The following EFCAB13 variants were observed in gnomAD, a reference collection of about 807,000 sequenced individuals.
The protein encoded by EFCAB13 is EF-hand calcium binding domain 13, also known as EF-hand calcium-binding domain-containing protein 13.
Under a neutral mutation model 110.2 loss-of-function variants are expected in EFCAB13, and 91 were observed. The observed-to-expected ratio is 0.83, with a 90% CI of 0.70 to 0.98. The LOEUF is 0.98. EFCAB13 is among the 50% of genes least tolerant of loss of function. The pLI is 0.00. For missense variants in EFCAB13, 968 were observed against 1,119.4 expected (o/e 0.86, Z 1.93); for synonymous variants, 323 against 369.9 (o/e 0.87, Z 1.45).
chr17:47,434,706 A>G (rs1172030211), intron 24 of EFCAB13, among the ~76,000 whole-genome samples: 2 of 152,206 alleles, frequency 1.3e-5, no homozygotes, highest in African/African-American at 4.8e-5. Flanking sequence ...ATGTAGACCA[A>G]TGGGACAGAA....
chr17:47,346,846 T>C (rs2065419855), intron 8 of EFCAB13, among the ~76,000 whole-genome samples: 1 of 152,192 alleles, frequency 6.6e-6, no homozygotes, highest in South Asian at 2.1e-4. Context: ...TTGTTTTCAT[T>C]AGTTGCTGAA....
rs887265408 is a variant in EFCAB13 at position 47,379,349 on chromosome 17, A to G, written c.1582+96A>G. 19 of 923,776 alleles carry G rather than the reference A, an allele frequency of 2.1e-5. No homozygotes were observed. In the African/African-American group the frequency reaches 2.5e-4, roughly 12 times the overall value. 57.2% of individuals were successfully genotyped at this position (923,776 alleles called of 1,614,324 possible). On this transcript the variant is annotated intron_variant, in intron 14 of 24. Coordinates refer to ENST00000331493, the MANE Select transcript of EFCAB13 (RefSeq NM_152347.5). ...GAACTGGGCTTGCTTTTGGATGGAT[A>G]CTTAATAGTCCTGTGACTCTTAGGC...
intron 22 of EFCAB13, among the ~76,000 whole-genome samples, chr17:47,413,869 T>C (rs113846868): frequency 7.2e-5 from 11 of 152,232 alleles, no homozygotes; most frequent in African/African-American, 2.7e-4. Context: ...TTATTTGATA[T>C]CTAAGTTCCT....
At chr17:47,409,321 C>T (rs1157606709) in intron 20 of EFCAB13, 1 of 232,078 alleles carries the variant, frequency 4.3e-6, no homozygotes, top group East Asian at 8.4e-5. Context: ...ACAATTTAGA[C>T]TAATAATTAA....
At chr17:47,341,009 G>A (rs1051748392) in intron 5 of EFCAB13, among the ~76,000 whole-genome samples, 3 of 151,718 alleles carry the variant, frequency 2.0e-5, no homozygotes, top group African/African-American at 7.3e-5. Context: ...ATGGAATAAC[G>A]TCACCACCTA....
chr17:47,346,436 C>CA (rs1253032039), intron 8 of EFCAB13, among the ~76,000 whole-genome samples: 3 of 126,718 alleles, frequency 2.4e-5, no homozygotes, highest in Non-Finnish European at 3.3e-5. Flanking sequence ...GTACTTTACC[C>CA]CCCCCCCCAT....
chr17:47,341,928 A>G lies in EFCAB13; in HGVS notation c.199A>G (p.Thr67Ala). Residue 67 changes from threonine (T) to alanine (A), a missense_variant, in exon 6 of 25, where the codon ACA (threonine) becomes GCA (alanine). By Grantham distance (58) the Thr-to-Ala change is moderately conservative (BLOSUM62 0). Transcript: ENST00000331493. The stretch of plus-strand genomic sequence containing the variant: ...AATTTCTGTGTCATTTAGATTTGAA[A>G]CATCAATAATCTTTTGTGGAGAAGA... ...LSPEYKKIFE[T>A]SIIFCGEEKS... is the part of the protein sequence containing the mutation. The G allele has an allele frequency of 6.5e-7, 1 of 1,528,586 alleles. No individual in the cohort carries two copies. The highest frequency in any genetic ancestry group is 1.2e-5 in the South Asian group (1 of 82,566). The allele number at this position is 1,528,586 out of a possible 1,614,324, so 94.7% of individuals were successfully genotyped here.
rs1284598917 is a variant in EFCAB13 at position 47,431,533 on chromosome 17, C to G, written c.2638+1572C>G. On this transcript the variant is annotated intron_variant, in intron 24 of 24. Coordinates refer to ENST00000331493, the MANE Select transcript of EFCAB13 (RefSeq NM_152347.5). This position sits in a 1 kb window ranked among gnomAD's most constrained non-coding sequence, Gnocchi z 4.1. Reference sequence around the variant, plus strand: ...ATTTCTGTTGTCATTTTTTCTTCAACTCATGGTTTTAGAGGTATGTTTCTT... The same window carrying G: ...ATTTCTGTTGTCATTTTTTCTTCAAGTCATGGTTTTAGAGGTATGTTTCTT... Among the ~76,000 whole-genome samples, 1 of 151,812 alleles carries G rather than the reference C, an allele frequency of 6.6e-6. No homozygotes were observed. The highest frequency in any genetic ancestry group is 1.5e-5 in the Non-Finnish European group (1 of 67,946).
At chr17:47,390,517 A>T (rs1043101082) in intron 14 of EFCAB13, among the ~76,000 whole-genome samples, 1 of 152,208 alleles carries the variant, frequency 6.6e-6, no homozygotes, top group Non-Finnish European at 1.5e-5. Context: ...TGCAGTAAAA[A>T]TTTATCAGTT....
intron 4 of EFCAB13, among the ~76,000 whole-genome samples, chr17:47,333,968 A>G (rs1181856304): frequency 6.6e-6 from 1 of 152,174 alleles, no homozygotes; most frequent in East Asian, 1.9e-4. Context: ...TATTTCTGTG[A>G]AAAATGACAT....
intron 20 of EFCAB13, among the ~76,000 whole-genome samples, chr17:47,405,375 G>C (rs947209097): frequency 5.9e-5 from 9 of 152,186 alleles, no homozygotes; most frequent in African/African-American, 2.2e-4. Flanking sequence ...ATGTTAACAA[G>C]CTACTGCCTA....
rs768934659 is a variant in EFCAB13 at position 47,374,900 on chromosome 17, G to A, written c.1306G>A (p.Val436Ile). 1.9e-6 allele frequency: 3 copies of A among 1,607,628 alleles called. No individual in the cohort carries two copies. Among genetic ancestry groups the A allele is most frequent in the East Asian group, 4.5e-5 (2 of 44,790 alleles). Residue 436 changes from valine to isoleucine, a missense_variant, in exon 12 of 25, where the codon GTA becomes ATA. Transcript: ENST00000331493. Reference protein sequence around the residue: ...SSIPKLQKPAVRKHSSLQKQV... With the variant: ...SSIPKLQKPAIRKHSSLQKQV... The stretch of plus-strand genomic sequence containing the variant: ...TATCCCAAAACTTCAGAAGCCAGCT[G>A]TAAGAAAGCATTCCAGTCTCCAAAA...
At chr17:47,359,130 C>T (rs1162226722) in intron 9 of EFCAB13, among the ~76,000 whole-genome samples, 3 of 151,990 alleles carry the variant, frequency 2.0e-5, no homozygotes, top group Non-Finnish European at 2.9e-5. Flanking sequence ...CCCAGGAGTT[C>T]GAGACCAGCC....
intron 22 of EFCAB13, 66 bp downstream of exon 22, chr17:47,412,982 T>G: frequency 1.1e-5 from 17 of 1,515,942 alleles, no homozygotes; most frequent in Non-Finnish European, 1.5e-5. Flanking sequence ...AGTCTTAGAG[T>G]GTACCTATAA....
At chr17:47,432,814 TGTTA>T (rs1256568610) in intron 24 of EFCAB13, among the ~76,000 whole-genome samples, 5 of 152,280 alleles carry the variant, frequency 3.3e-5, no homozygotes, top group African/African-American at 7.2e-5. Context: ...TTTGCCAGCC[TGTTA>T]GTGTCTTAAA....
At chr17:47,430,588 T>C (rs1034953705) in intron 24 of EFCAB13, 2 of 152,160 alleles carry the variant, frequency 1.3e-5, no homozygotes, top group African/African-American at 4.8e-5. Flanking sequence ...TTTAAATGAA[T>C]AGGATTAACA....
At chr17:47,386,758 T>C (rs2065678663) in intron 14 of EFCAB13, among the ~76,000 whole-genome samples, 1 of 152,056 alleles carries the variant, frequency 6.6e-6, no homozygotes, top group African/African-American at 2.4e-5. Context: ...AGGGCCCTGG[T>C]GGTGTAGGCA....
At chr17:47,413,358 C>T (rs1904321276) in intron 22 of EFCAB13, among the ~76,000 whole-genome samples, 1 of 151,982 alleles carries the variant, frequency 6.6e-6, no homozygotes, top group African/African-American at 2.4e-5. Context: ...TCAAGTAGTC[C>T]ATATTTACCT....
chr17:47,414,909 A>G lies in EFCAB13; in HGVS notation c.2484A>G (p.Gln828=). 7 of 1,599,522 alleles carry G rather than the reference A, an allele frequency of 4.4e-6. No homozygotes were observed. The highest frequency in any genetic ancestry group is 1.1e-5 in the South Asian group (1 of 90,132). ...LMKMKESPHF[Q]KSKATQILLA... ...AAATGAAAGAAAGTCCACATTTCCA[A>G]AAGTCCAAGGGTAAGTGAATACTTC... Residue 828 remains glutamine, a synonymous_variant, in exon 23 of 25, where the codon CAA becomes CAG. Coordinates refer to ENST00000331493, the MANE Select transcript of EFCAB13 (RefSeq NM_152347.5).
Sources: gnomAD v4.1 joint callset for allele counts (sites outside exome capture counted in the v4.1 genomes callset) on GRCh38, gnomAD v4.1.1 for gene constraint, Gnocchi (gnomAD v3.1) non-coding constraint, MANE v1.5 for transcripts, NCBI Gene and HGNC (gene_info 2026-07-23, HGNC 2026-07-21) for gene names.